TAF1: variants seen among roughly 807,000 people sequenced by gnomAD.
TAF1 encodes the protein TATA-box binding protein associated factor 1, also known as transcription initiation factor TFIID subunit 1.
A neutral mutation model predicts 138.5 loss-of-function variants in TAF1; 2 were observed. The observed-to-expected ratio is 0.01, with a 90% confidence interval of 0.01 to 0.05. The LOEUF (loss-of-function observed/expected upper bound fraction) is 0.05. Ranked by LOEUF, TAF1 falls within the 10% of genes least tolerant of loss-of-function variation. The pLI is 1.00. For synonymous variants in TAF1, 437 were observed against 503.2 expected (o/e 0.87, Z 1.76); for missense variants, 709 against 1,478.0 (o/e 0.48, Z 8.53).
chrX:71,452,680 A>G (rs756207680), intron 32 of TAF1, among the ~76,000 whole-genome samples: 2 of 112,138 alleles, frequency 1.8e-5, no homozygotes, highest in South Asian at 3.7e-4. Flanking sequence ...AGAGGCTGCA[A>G]TCTTGGCACT....
intron 32 of TAF1, among the ~76,000 whole-genome samples, chrX:71,425,189 G>A (rs2036537846): frequency 9.0e-6 from 1 of 111,381 alleles, no homozygotes; most frequent in Non-Finnish European, 1.9e-5. Flanking sequence ...ACCATGGTGA[G>A]CTTCCTTGGT....
rs768482301 is a variant in TAF1, at chrX:71,383,143, G to A, written c.1926G>A (p.Lys642=). ...PGPHSVQPLL[K]HIKKKAKMRE... ...CCCACTCAGTCCAACCTTTGCTAAAGCACATCAAAAAAAAGGCCAAGGTAT... is the reference window on the plus strand; with the variant it reads ...CCCACTCAGTCCAACCTTTGCTAAAACACATCAAAAAAAAGGCCAAGGTAT... Residue 642 remains lysine (K), a synonymous_variant, in exon 12 of 38, where the codon AAG becomes AAA. Transcript: ENST00000423759. 3.3e-5 allele frequency: 40 copies of A among 1,207,055 alleles called. No homozygotes were observed. The South Asian group carries it at 6.2e-4, about 19-fold the overall frequency.
Position 71,392,647 on chromosome X carries a change from G to T in TAF1, c.2860G>T (p.Val954Leu). The change falls in exon 19 of 38, where the codon GTG becomes TTG. Residue 954 changes from valine (V) to leucine (L), a missense_variant. Transcript: ENST00000423759. Reference protein sequence around the residue: ...KGKCLLEVTGVADPTGCGEGF... With the variant: ...KGKCLLEVTGLADPTGCGEGF... ...CAAGTGTCTGCTAGAGGTGACTGGG[G>T]TGGCAGATCCCACGGGGTGTGGTGA... is the stretch of plus-strand genomic sequence containing the variant. 1.7e-6 allele frequency: 2 copies of T among 1,210,234 alleles called. No individual in the cohort carries two copies. The highest frequency in any genetic ancestry group is 2.2e-6 in the Non-Finnish European group (2 of 895,045).
intron 9 of TAF1, among the ~76,000 whole-genome samples, chrX:71,382,316 T>C (rs1305651437): frequency 9.1e-6 from 1 of 109,415 alleles, no homozygotes; most frequent in African/African-American, 3.3e-5. Flanking sequence ...ACTTAGTGAA[T>C]CATGTACTAG....
intron 13 of TAF1, among the ~76,000 whole-genome samples, chrX:71,483,350 T>A (rs1194799958): frequency 4.6e-5 from 5 of 108,868 alleles, no homozygotes; most frequent in African/African-American, 1.7e-4. Flanking sequence ...AATTTTACTA[T>A]GAGATTATAG....
intron 13 of TAF1, among the ~76,000 whole-genome samples, chrX:71,517,520 A>G (rs1216229546): frequency 8.9e-6 from 1 of 111,880 alleles, no homozygotes; most frequent in East Asian, 2.8e-4. Context: ...AAGACAAGGA[A>G]TATGTGTGGC....
intron 28 of TAF1, chrX:71,420,247 G>A: frequency 1.1e-6 from 1 of 880,432 alleles, no homozygotes; most frequent in Non-Finnish European, 1.7e-6. Context: ...CTGATTCCTG[G>A]TCTGTTGGTT....
intron 32 of TAF1, among the ~76,000 whole-genome samples, chrX:71,426,977 C>G (rs1444618427): frequency 8.9e-6 from 1 of 111,877 alleles, no homozygotes; most frequent in African/African-American, 3.2e-5. Context: ...AATTAAGAAT[C>G]CACATGATTA....
intron 32 of TAF1, among the ~76,000 whole-genome samples, chrX:71,436,373 G>T (rs1471430567): frequency 9.2e-6 from 1 of 108,200 alleles, no homozygotes; most frequent in Non-Finnish European, 1.9e-5. Context: ...CCGCCACAAC[G>T]CCCGGCTAAT....
intron 28 of TAF1, chrX:71,419,985 G>A: frequency 3.8e-6 from 1 of 264,446 alleles, no homozygotes; most frequent in Non-Finnish European, 6.8e-6. Context: ...TTCCCATCAA[G>A]GTCATCTTCT....
At chrX:71,524,700 T>C (rs1219858694) in intron 13 of TAF1, among the ~76,000 whole-genome samples, 2 of 108,861 alleles carry the variant, frequency 1.8e-5, no homozygotes, top group African/African-American at 3.3e-5. Context: ...CCCAGCACTT[T>C]GGGAGGCCAA....
chrX:71,405,254 C>T lies in TAF1; in HGVS notation c.3999-1384C>T, dbSNP rs772946935. Among the ~76,000 whole-genome samples the T allele has an allele frequency of 5.1e-4, 57 of 111,618 alleles. 1 individual carries two copies. In the Middle Eastern group the frequency reaches 0.014, roughly 27 times the overall value. Reference sequence around the variant, plus strand: ...GATTACAGGCGTGAGCCACCATGCCCGGCCTTCCAAACATATTTGAATCAC... The same window carrying T: ...GATTACAGGCGTGAGCCACCATGCCTGGCCTTCCAAACATATTTGAATCAC... On this transcript the variant is annotated intron_variant, in intron 25 of 37. Coordinates refer to ENST00000423759, the MANE Select transcript of TAF1 (RefSeq NM_004606.5).
At position 71,465,355 on chromosome X, in the gene TAF1, G is replaced by C. The variant is rs2038718644; in HGVS notation, c.*1309G>C. On this transcript the variant is annotated 3_prime_UTR_variant, in exon 38 of 38. Transcript: ENST00000423759. ...TAATCATGTCTGAAAAGTCAGGAAAGTCTTCCTAGAGGTAATTTTTAAGCT... is the reference window on the plus strand; with the variant it reads ...TAATCATGTCTGAAAAGTCAGGAAACTCTTCCTAGAGGTAATTTTTAAGCT... 8.9e-6 allele frequency: 1 copy of C among 112,071 alleles called. No homozygotes were observed. The highest frequency in any genetic ancestry group is 9.5e-5 in the Admixed American group (1 of 10,490). 9.2% of individuals were successfully genotyped at this position (112,071 alleles called of 1,213,427 possible).
chrX:71,451,139 G>A (rs774897951), intron 32 of TAF1, among the ~76,000 whole-genome samples: 2 of 112,535 alleles, frequency 1.8e-5, no homozygotes, highest in South Asian at 7.2e-4. Context: ...AGTGTTTTAT[G>A]TATTATGGGT....
chrX:71,367,399 T>G, intron 1 of TAF1, 100 bp from the exon 2 acceptor site: 1 of 989,177 alleles, frequency 1.0e-6, no homozygotes, highest in Non-Finnish European at 1.4e-6. Context: ...TCATTTTTCA[T>G]GTGGATTTGT....
chrX:71,508,086 C>CTCTCTCTCTCTATATATATATA (rs4040068), intron 13 of TAF1, among the ~76,000 whole-genome samples: 90 of 92,135 alleles, frequency 9.8e-4, no homozygotes, highest in African/African-American at 3.6e-3. Context: ...CTCTCTCTCT[C>CTCTCTCTCTCTATATATATATA]TATATATATA....
At chrX:71,454,380 A>G (rs1428575766) in intron 33 of TAF1, 143 bp downstream of exon 33, 1 of 517,209 alleles carries the variant, frequency 1.9e-6, no homozygotes, top group Non-Finnish European at 3.1e-6. Flanking sequence ...TAGGAGAATC[A>G]TTTGAGCCTG....
intron 13 of TAF1, among the ~76,000 whole-genome samples, chrX:71,481,268 A>G (rs956239763): frequency 5.4e-5 from 6 of 112,070 alleles, no homozygotes; most frequent in East Asian, 5.7e-4. Flanking sequence ...AACAAGAGTG[A>G]AACTCCATCT....
At chrX:71,506,098 G>C (rs930485385) in intron 13 of TAF1, among the ~76,000 whole-genome samples, 1 of 108,913 alleles carries the variant, frequency 9.2e-6, no homozygotes, top group African/African-American at 3.3e-5. Flanking sequence ...TACTCGGGAG[G>C]CTGAGTCAGA....
Sources: gnomAD v4.1 joint callset for allele counts (sites outside exome capture counted in the v4.1 genomes callset) on GRCh38, gnomAD v4.1.1 for gene constraint, MANE v1.5 for transcripts, NCBI Gene and HGNC (gene_info 2026-07-23, HGNC 2026-07-21) for gene names.